Variants in ERC2 observed in about 807,000 individuals in gnomAD.
ERC2 encodes ERC protein 2.
In ERC2, 42 loss-of-function variants were observed where a neutral mutation model predicts 114.8. The observed-to-expected ratio is 0.37, with a 90% CI of 0.29 to 0.47. The LOEUF is 0.47. Among genes scored for constraint, ERC2 ranks in the 20% least tolerant of loss-of-function variants. The pLI is 0.99. For missense variants in ERC2, 939 were observed against 1,150.7 expected (o/e 0.82, Z 2.66); for synonymous variants, 454 against 425.5 (o/e 1.07, Z -0.82).
intron 14 of ERC2, among the ~76,000 whole-genome samples, chr3:55,771,107 C>T (rs937883922): frequency 2.0e-5 from 3 of 152,116 alleles, no homozygotes; most frequent in Admixed American, 1.3e-4. Context: ...AATAAACATA[C>T]GTGTGTATGT....
At chr3:56,290,654 A>G in intron 3 of ERC2, among the ~76,000 whole-genome samples, 1 of 152,196 alleles carries the variant, frequency 6.6e-6, no homozygotes, top group East Asian at 1.9e-4. Context: ...GGGGACCGGA[A>G]TGGCATTTAG....
intron 17 of ERC2, among the ~76,000 whole-genome samples, chr3:55,538,873 C>G (rs901730616): frequency 6.6e-5 from 10 of 152,178 alleles, no homozygotes; most frequent in Admixed American, 6.5e-5. Context: ...ATCCCTCTAT[C>G]CCTTCTTTGA....
At chr3:55,747,882 A>T (rs2066410838) in intron 14 of ERC2, among the ~76,000 whole-genome samples, 1 of 152,220 alleles carries the variant, frequency 6.6e-6, no homozygotes, top group South Asian at 2.1e-4. Flanking sequence ...GAGCTGCAAG[A>T]CTCAGCTTAT....
intron 3 of ERC2, among the ~76,000 whole-genome samples, chr3:56,202,685 G>C (rs1321373254): frequency 1.3e-5 from 2 of 151,964 alleles, no homozygotes; most frequent in African/African-American, 4.8e-5. Flanking sequence ...GAGGAAATTA[G>C]GCTAAGTGAA....
intron 3 of ERC2, among the ~76,000 whole-genome samples, chr3:56,272,249 A>G (rs1006688904): frequency 3.9e-5 from 6 of 152,210 alleles, no homozygotes; most frequent in Admixed American, 6.5e-5. Flanking sequence ...AAACAACCCC[A>G]AAAGTATATC....
chr3:56,186,194 A>G (rs2150056897), intron 3 of ERC2, among the ~76,000 whole-genome samples: 1 of 151,700 alleles, frequency 6.6e-6, no homozygotes, highest in Admixed American at 6.6e-5. Context: ...ACTTGAAGCA[A>G]AAAATCTAGT....
chr3:55,882,064 T>G (rs1018955128), intron 14 of ERC2, among the ~76,000 whole-genome samples: 5 of 152,198 alleles, frequency 3.3e-5, no homozygotes, highest in Non-Finnish European at 1.5e-5. Context: ...TGATCCCAGG[T>G]GGGGCCTAAT....
chr3:55,854,148 G>A (rs1051639270), intron 14 of ERC2, among the ~76,000 whole-genome samples: 6 of 152,058 alleles, frequency 3.9e-5, no homozygotes, highest in Non-Finnish European at 7.4e-5. Flanking sequence ...GGTGGCAGGC[G>A]CCTGTAGTCC....
intron 14 of ERC2, among the ~76,000 whole-genome samples, chr3:55,777,182 A>G (rs534206063): frequency 1.3e-5 from 2 of 152,340 alleles, no homozygotes; most frequent in South Asian, 4.1e-4. Flanking sequence ...CACCCTGTGG[A>G]TCATACCTGG....
At chr3:55,567,823 G>C (rs965741326) in intron 17 of ERC2, among the ~76,000 whole-genome samples, 1 of 152,270 alleles carries the variant, frequency 6.6e-6, no homozygotes, top group South Asian at 2.1e-4. Context: ...AGGTCACCAC[G>C]GTGATTAGTG....
At chr3:55,729,667 C>G (rs2065123223) in intron 15 of ERC2, among the ~76,000 whole-genome samples, 1 of 151,216 alleles carries the variant, frequency 6.6e-6, no homozygotes, top group African/African-American at 2.4e-5. Context: ...GACCTTGTCT[C>G]TTCTAAAAAA....
chr3:55,985,920 GC>G, intron 12 of ERC2, 56 bp downstream of exon 12: 1 of 1,458,824 alleles, frequency 6.9e-7, no homozygotes, highest in Non-Finnish European at 9.3e-7. Flanking sequence ...ACAAGTGCAA[GC>G]CATAAATTGA....
At chr3:55,547,206 G>T (rs1259500368) in intron 17 of ERC2, among the ~76,000 whole-genome samples, 1 of 152,214 alleles carries the variant, frequency 6.6e-6, no homozygotes, top group Non-Finnish European at 1.5e-5. Context: ...GGCTGTCCTC[G>T]ACTTGCCCCA....
chr3:56,410,095 G>C (rs1314131066), intron 2 of ERC2, among the ~76,000 whole-genome samples: 1 of 152,142 alleles, frequency 6.6e-6, no homozygotes, highest in African/African-American at 2.4e-5. Flanking sequence ...CTTATAACCT[G>C]AAACAGAGTT....
chr3:55,784,793 T>C (rs954145044), intron 14 of ERC2, among the ~76,000 whole-genome samples: 3 of 152,222 alleles, frequency 2.0e-5, no homozygotes, highest in Non-Finnish European at 4.4e-5. Flanking sequence ...CTTTGTCTCT[T>C]GGAGTTTGTC....
chr3:55,864,494 C>T (rs1359422577), intron 14 of ERC2, among the ~76,000 whole-genome samples: 1 of 152,016 alleles, frequency 6.6e-6, no homozygotes, highest in Admixed American at 6.6e-5. Flanking sequence ...AAGATAACAA[C>T]CACTGTGTAT....
chr3:56,212,346 G>GA (rs1273078208), intron 3 of ERC2, among the ~76,000 whole-genome samples: 2 of 151,950 alleles, frequency 1.3e-5, no homozygotes, highest in African/African-American at 4.8e-5. Flanking sequence ...ACAAATACAT[G>GA]AAAAAAATTC....
intron 13 of ERC2, among the ~76,000 whole-genome samples, chr3:55,909,243 T>C (rs1460173125): frequency 6.6e-6 from 1 of 152,170 alleles, no homozygotes; most frequent in Non-Finnish European, 1.5e-5. Flanking sequence ...GCGTCTGAAA[T>C]TATGTGTTGG....
intron 17 of ERC2, among the ~76,000 whole-genome samples, chr3:55,548,519 C>T (rs2054917729): frequency 6.6e-6 from 1 of 152,172 alleles, no homozygotes; most frequent in Non-Finnish European, 1.5e-5. Flanking sequence ...TCACTTAAGT[C>T]CCTATCTTCT....
Sources: gnomAD v4.1 joint callset for allele counts (sites outside exome capture counted in the v4.1 genomes callset) on GRCh38, gnomAD v4.1.1 for gene constraint, MANE v1.5 for transcripts, NCBI Gene and HGNC (gene_info 2026-07-23, HGNC 2026-07-21) for gene names.